SCAF8: variants seen among roughly 807,000 people sequenced by gnomAD.
SCAF8 encodes the protein SR-related CTD associated factor 8.
A neutral mutation model predicts 140.5 loss-of-function variants in SCAF8; 23 were observed. The observed-to-expected ratio is 0.16, with a 90% confidence interval of 0.12 to 0.23. SCAF8 has a LOEUF of 0.23. Ranked by LOEUF, SCAF8 falls within the 10% of genes least tolerant of loss-of-function variation. The pLI, the probability that SCAF8 is intolerant of heterozygous loss-of-function variation, is 1.00. For synonymous variants in SCAF8, 575 were observed against 528.9 expected (o/e 1.09, Z -1.20); for missense variants, 1,397 against 1,555.7 (o/e 0.90, Z 1.72).
chr6:154,824,370 C>T lies in SCAF8; in HGVS notation c.2063C>T (p.Pro688Leu). The T allele has an allele frequency of 6.2e-7, 1 of 1,612,184 alleles. No individual in the cohort carries two copies. Residue 688 changes from proline (P) to leucine (L), a missense_variant, in exon 17 of 20, where the codon CCA (proline) becomes CTA (leucine). Pro to Leu is a moderately conservative substitution (Grantham distance 98). Around this residue, in one of 5 missense-constraint regions of SCAF8, gnomAD observed 930 missense variants for 874.6 expected, o/e 1.06. Transcript: ENST00000367178. ...AGAGCAAGTTTTAACCCTTCACAAC[C>T]ACCACCTGGTAAGGAATTTTTGTTT... The part of the protein sequence containing the change: ...FLRASFNPSQ[P>L]PPGFMPPPVP...
chr6:154,751,634 G>A (rs1227105501), intron 1 of SCAF8, among the ~76,000 whole-genome samples: 1 of 152,092 alleles, frequency 6.6e-6, no homozygotes, highest in African/African-American at 2.4e-5. Flanking sequence ...CCTTTACTAG[G>A]TGCACATAGT....
intron 3 of SCAF8, among the ~76,000 whole-genome samples, chr6:154,779,195 G>A (rs1298650678): frequency 3.3e-5 from 5 of 152,038 alleles, no homozygotes; most frequent in Non-Finnish European, 7.4e-5. Context: ...ACCACGCCCA[G>A]CTAATTTTTT....
At chr6:154,770,604 G>A (rs1321785780) in intron 1 of SCAF8, among the ~76,000 whole-genome samples, 2 of 152,080 alleles carry the variant, frequency 1.3e-5, no homozygotes, top group Admixed American at 6.6e-5. Context: ...TTCTTAGAAA[G>A]TATGTGATGG....
intron 1 of SCAF8, among the ~76,000 whole-genome samples, chr6:154,766,419 G>A (rs929234610): frequency 2.6e-5 from 4 of 152,110 alleles, no homozygotes; most frequent in African/African-American, 9.7e-5. Context: ...GTCATAGGAG[G>A]GTTTGTGTCC....
intron 1 of SCAF8, among the ~76,000 whole-genome samples, chr6:154,741,287 A>G (rs1388387573): frequency 1.3e-5 from 2 of 152,216 alleles, no homozygotes; most frequent in Non-Finnish European, 2.9e-5. Context: ...ATGGAAATGC[A>G]TGTTTCGTGG....
In SCAF8 at chr6:154,815,715, G is replaced by GT; in HGVS notation, c.1421dup (p.Cys475MetfsTer2). On this transcript the variant is annotated frameshift_variant and splice_region_variant. Transcript: ENST00000367178. LOFTEE classifies it high-confidence loss of function. ...GTCATTTGTCTCTTGTGTCTTGACA[G>GT]TATGTAGTACTACTCTCTGGGTTGG... 6.3e-7 allele frequency: 1 copy of GT among 1,584,566 alleles called. No homozygotes were observed. Among genetic ancestry groups the GT allele is most frequent in the Non-Finnish European group, 8.7e-7 (1 of 1,153,786 alleles).
At chr6:154,791,836 G>C (rs918768691) in intron 4 of SCAF8, among the ~76,000 whole-genome samples, 10 of 152,042 alleles carry the variant, frequency 6.6e-5, no homozygotes, top group African/African-American at 1.9e-4. Context: ...TGATTTATTT[G>C]GTGGTAAGAT....
Position 154,833,362 on chromosome 6 carries a change from A to C in SCAF8, c.3783A>C (p.Pro1261=), listed in dbSNP as rs1164631450. Residue 1261 remains proline (P), a synonymous_variant, in exon 20 of 20, where the codon CCA becomes CCC. Transcript: ENST00000367178. ...SDTVADIESE[P]VVESTETEGT is the part of the protein sequence containing the mutation. ...CAGTTGCTGATATAGAAAGTGAACC[A>C]GTGGTAGAAAGCACAGAAACTGAGG... 14 of 1,613,556 alleles carry C rather than the reference A, an allele frequency of 8.7e-6. No individual in the cohort carries two copies. The highest frequency in any genetic ancestry group is 1.2e-5 in the Non-Finnish European group (14 of 1,179,874).
chr6:154,809,932 A>G, intron 11 of SCAF8, 83 bp from the exon 12 acceptor site: 2 of 1,115,070 alleles, frequency 1.8e-6, no homozygotes, highest in African/African-American at 1.6e-5. Flanking sequence ...CTTTTTTGTT[A>G]TTGTTTTTTC....
chr6:154,772,346 A>G (rs1338220706), intron 1 of SCAF8, among the ~76,000 whole-genome samples: 1 of 152,168 alleles, frequency 6.6e-6, no homozygotes, highest in Non-Finnish European at 1.5e-5. Flanking sequence ...ATTCCCTCAC[A>G]CTAAAGTAGG....
intron 16 of SCAF8, among the ~76,000 whole-genome samples, chr6:154,823,604 T>C (rs987951555): frequency 6.6e-6 from 1 of 152,214 alleles, no homozygotes; most frequent in Non-Finnish European, 1.5e-5. Context: ...ATTGGAAAGA[T>C]AGAGTTACCA....
rs748413256 is a variant in SCAF8, at chr6:154,733,873, C to T, written c.-28C>T. ...GCAGTGGCCGCCGCCTCTTCCGCCG[C>T]CGGGCTCGGGGCCTCCGCAGCGACA... is the stretch of plus-strand genomic sequence containing the variant. On this transcript the variant is annotated 5_prime_UTR_variant, in exon 1 of 20. Coordinates refer to ENST00000367178, the MANE Select transcript of SCAF8 (RefSeq NM_014892.5). The T allele has an allele frequency of 3.2e-6, 5 of 1,544,954 alleles. No individual in the cohort carries two copies. Among genetic ancestry groups the T allele is most frequent in the South Asian group, 2.4e-5 (2 of 83,896 alleles).
intron 1 of SCAF8, among the ~76,000 whole-genome samples, chr6:154,740,278 A>G (rs1017321729): frequency 9.9e-5 from 15 of 152,156 alleles, no homozygotes; most frequent in African/African-American, 3.1e-4. Flanking sequence ...GCATTCCAGG[A>G]TGTTTACAGC....
In SCAF8 at chr6:154,833,351, G is replaced by A. The variant is rs747945730; in HGVS notation, c.3772G>A (p.Glu1258Lys). Residue 1258 changes from glutamate (E) to lysine (K), a missense_variant, in exon 20 of 20, where the codon GAA becomes AAA. Physicochemically the swap from Glu to Lys is moderately conservative, Grantham distance 56. Coordinates refer to ENST00000367178, the MANE Select transcript of SCAF8 (RefSeq NM_014892.5). ...GAAGAGTGACACAGTTGCTGATATA[G>A]AAAGTGAACCAGTGGTAGAAAGCAC... ...KEKSDTVADI[E>K]SEPVVESTET... 28 of 1,613,748 alleles carry A rather than the reference G, an allele frequency of 1.7e-5. No homozygotes were observed. The South Asian group carries it at 3.0e-4, about 17-fold the overall frequency.
chr6:154,792,091 G>C (rs1777437011), intron 4 of SCAF8, among the ~76,000 whole-genome samples: 1 of 152,092 alleles, frequency 6.6e-6, no homozygotes. Context: ...TACAGAGGAT[G>C]ATTCATCGTT....
rs528918403 is a variant in SCAF8, at chr6:154,744,339, A to G, written c.30+10409A>G. Among the ~76,000 whole-genome samples, 11 of 152,278 alleles carry G rather than the reference A, an allele frequency of 7.2e-5. No individual in the cohort carries two copies. The South Asian group carries it at 1.9e-3, about 26-fold the overall frequency. On this transcript the variant is annotated intron_variant, in intron 1 of 19. Transcript: ENST00000367178. The stretch of plus-strand genomic sequence containing the variant: ...GGGAAGTTAACCACTTTATCAAAAC[A>G]TCTTATGTACACAAGTCTATGTACC...
chr6:154,772,973 T>A (rs1776814476), intron 1 of SCAF8, among the ~76,000 whole-genome samples: 1 of 152,194 alleles, frequency 6.6e-6, no homozygotes, highest in Admixed American at 6.5e-5. Flanking sequence ...TTGGCCAGGC[T>A]GGTCTTGAAC....
At chr6:154,793,838 A>G (rs866920387) in intron 5 of SCAF8, among the ~76,000 whole-genome samples, 14 of 149,726 alleles carry the variant, frequency 9.4e-5, no homozygotes, top group Non-Finnish European at 1.2e-4. Flanking sequence ...AAAAAAAAAA[A>G]ATTTTTTTAA....
intron 6 of SCAF8, 147 bp from the exon 7 acceptor site, chr6:154,801,824 A>G (rs1376974392): frequency 5.9e-6 from 3 of 512,686 alleles, no homozygotes; most frequent in East Asian, 6.1e-5. Flanking sequence ...TACACAGAAA[A>G]ACTTCAAAAA....
Sources: gnomAD v4.1 joint callset for allele counts (sites outside exome capture counted in the v4.1 genomes callset) on GRCh38, gnomAD v4.1.1 for gene constraint, gnomAD v4.1.1 regional missense constraint, MANE v1.5 for transcripts, NCBI Gene and HGNC (gene_info 2026-07-23, HGNC 2026-07-21) for gene names.